TAF2: variants seen among roughly 807,000 people sequenced by gnomAD.
TAF2 encodes the protein transcription initiation factor TFIID subunit 2.
Under a neutral mutation model 138.5 loss-of-function variants are expected in TAF2, and 61 were observed. The ratio of observed to expected loss-of-function variants is 0.44; its 90% CI spans 0.36 to 0.54. The LOEUF is 0.54. TAF2 is among the 20% of genes least tolerant of loss of function. The pLI is 0.00. For synonymous variants in TAF2, 475 were observed against 469.9 expected, an observed-to-expected ratio of 1.01 and a Z score of -0.14; for missense variants, 1,090 against 1,427.9, an observed-to-expected ratio of 0.76 and a Z score of 3.81.
chr8:119,797,656 A>G lies in TAF2; in HGVS notation c.977+6T>C. 1 of 1,612,466 alleles carries G rather than the reference A, an allele frequency of 6.2e-7. No homozygotes were observed. The highest frequency in any genetic ancestry group is 8.5e-7 in the Non-Finnish European group (1 of 1,179,076). ...TTAGGCATTTCAAATCTGAAGAGAT[A>G]CCAACCTAAAAATGCTCATGGAAGC... On this transcript the variant is annotated splice_donor_region_variant and intron_variant, in intron 7 of 25. Transcript: ENST00000378164.
intron 11 of TAF2, among the ~76,000 whole-genome samples, chr8:119,790,244 T>C (rs1823323096): frequency 6.6e-6 from 1 of 152,144 alleles, no homozygotes. Flanking sequence ...GAGATCAGAC[T>C]GGGCAACATA....
At chr8:119,774,708 A>G (rs769327167) in intron 18 of TAF2, among the ~76,000 whole-genome samples, 1 of 152,144 alleles carries the variant, frequency 6.6e-6, no homozygotes, top group Non-Finnish European at 1.5e-5. Context: ...CAGCAGAGAT[A>G]ATAACTTCCC....
chr8:119,760,647 C>CA lies in TAF2; in HGVS notation c.2649dup (p.Val884CysfsTer4). On this transcript the variant is annotated frameshift_variant, in exon 20 of 26. Coordinates refer to ENST00000378164, the MANE Select transcript of TAF2 (RefSeq NM_003184.4). LOFTEE classifies it high-confidence loss of function. ...TCCAAAGCTGCTATCCTAATGTCCACAAAGTGGCCATATTCAGCATAAGAT... is the reference window on the plus strand; with the variant it reads ...TCCAAAGCTGCTATCCTAATGTCCACAAAAGTGGCCATATTCAGCATAAGAT... The CA allele has an allele frequency of 6.2e-7, 1 of 1,613,926 alleles. No individual in the cohort carries two copies. Among genetic ancestry groups the CA allele is most frequent in the Non-Finnish European group, 8.5e-7 (1 of 1,179,972 alleles).
chr8:119,832,600 T>G lies in TAF2; in HGVS notation c.-36A>C. Reference sequence around the variant, plus strand: ...CGCGGAGCTTGGCTTCCCGGCTTCCTAGGGGGATACGGGGCATTACTAGTC... The same window carrying G: ...CGCGGAGCTTGGCTTCCCGGCTTCCGAGGGGGATACGGGGCATTACTAGTC... On this transcript the variant is annotated 5_prime_UTR_variant, in exon 1 of 26. Transcript: ENST00000378164. 6.3e-7 allele frequency: 1 copy of G among 1,596,530 alleles called. No individual in the cohort carries two copies. Among genetic ancestry groups the G allele is most frequent in the Middle Eastern group, 2.0e-4 (1 of 4,920 alleles).
intron 2 of TAF2, among the ~76,000 whole-genome samples, chr8:119,829,892 C>A (rs993335755): frequency 1.4e-5 from 2 of 142,426 alleles, no homozygotes; most frequent in African/African-American, 5.2e-5. Flanking sequence ...CGGAGTCTTG[C>A]TCCGTCGCCC....
At chr8:119,748,805 G>A (rs1820153086) in intron 22 of TAF2, among the ~76,000 whole-genome samples, 1 of 151,984 alleles carries the variant, frequency 6.6e-6, no homozygotes, top group African/African-American at 2.4e-5. Flanking sequence ...GGGAAGGGAA[G>A]AAATGCCAGG....
intron 23 of TAF2, among the ~76,000 whole-genome samples, chr8:119,746,451 T>TA (rs1051984492): frequency 5.4e-5 from 8 of 148,836 alleles, no homozygotes; most frequent in African/African-American, 1.5e-4. Context: ...TGCTCAAGTA[T>TA]AAAAAAAATA....
intron 25 of TAF2, among the ~76,000 whole-genome samples, chr8:119,739,015 T>G (rs1023287192): frequency 7.7e-5 from 9 of 116,900 alleles, no homozygotes; most frequent in African/African-American, 2.2e-4. Flanking sequence ...AAGAAGTTTT[T>G]TTTTTTTTTT....
At chr8:119,781,918 C>T (rs1047451243) in intron 16 of TAF2, among the ~76,000 whole-genome samples, 2 of 152,078 alleles carry the variant, frequency 1.3e-5, no homozygotes, top group Non-Finnish European at 2.9e-5. Flanking sequence ...GAACTATTGA[C>T]CTCAAGTGAT....
chr8:119,787,681 C>T, intron 14 of TAF2, among the ~76,000 whole-genome samples: 1 of 152,164 alleles, frequency 6.6e-6, no homozygotes, highest in Middle Eastern at 3.2e-3. Context: ...GACAGTGTGG[C>T]AATTCCTCAA....
intron 23 of TAF2, chr8:119,745,040 C>A (rs181598919): frequency 6.6e-6 from 3 of 455,792 alleles, no homozygotes; most frequent in South Asian, 3.1e-5. Context: ...CATCTTCCTG[C>A]GGCAATATTC....
At chr8:119,777,990 T>C in intron 18 of TAF2, 29 bp downstream of exon 18, 1 of 1,184,916 alleles carries the variant, frequency 8.4e-7, no homozygotes, top group Non-Finnish European at 1.2e-6. Flanking sequence ...ACAACTGTTG[T>C]AGAAGATTTA....
chr8:119,742,812 T>G (rs1441671102), intron 24 of TAF2, among the ~76,000 whole-genome samples, 156 bp from the exon 25 acceptor site: 2 of 151,790 alleles, frequency 1.3e-5, no homozygotes, highest in Non-Finnish European at 2.9e-5. Flanking sequence ...CTGGGTGGAG[T>G]GGCTCACATC....
chr8:119,804,151 C>A, intron 4 of TAF2, 132 bp from the exon 5 acceptor site: 1 of 1,065,794 alleles, frequency 9.4e-7, no homozygotes, highest in South Asian at 1.4e-5. Context: ...CACTACTTAC[C>A]CTAGTTTAGA....
chr8:119,736,790 A>C (rs774804511), intron 25 of TAF2, among the ~76,000 whole-genome samples: 4 of 152,236 alleles, frequency 2.6e-5, no homozygotes, highest in Non-Finnish European at 5.9e-5. Flanking sequence ...ATGCTTCCAG[A>C]CTAAAGAACA....
chr8:119,797,069 C>CT lies in TAF2; in HGVS notation c.1011_1012insA (p.Glu338ArgfsTer6), dbSNP rs1159636282. The CT allele has an allele frequency of 6.2e-7, 1 of 1,613,164 alleles. No individual in the cohort carries two copies. On this transcript the variant is annotated frameshift_variant, in exon 8 of 26. Coordinates refer to ENST00000378164, the MANE Select transcript of TAF2 (RefSeq NM_003184.4). LOFTEE classifies it high-confidence loss of function. ...AAACACCTTCTAGTCAAAGGTGTCT[C>CT]ATCTATAATCATGGCACTGTGTAAA...
chr8:119,764,623 T>G (rs1586360217), intron 18 of TAF2, among the ~76,000 whole-genome samples: 1 of 152,194 alleles, frequency 6.6e-6, no homozygotes, highest in East Asian at 1.9e-4. Flanking sequence ...TTCTGTGTCT[T>G]ACTTTTGTCA....
chr8:119,786,850 G>A (rs559859751), intron 14 of TAF2, among the ~76,000 whole-genome samples: 8 of 152,244 alleles, frequency 5.3e-5, no homozygotes, highest in African/African-American at 1.7e-4. Context: ...TGAACCGGGA[G>A]GCGGAGGTTG....
At chr8:119,762,695 A>C (rs1197395629) in intron 18 of TAF2, 87 bp from the exon 19 acceptor site, 9 of 1,300,670 alleles carry the variant, frequency 6.9e-6, no homozygotes, top group Non-Finnish European at 9.5e-6. Context: ...ATTACATTTT[A>C]GATAAAATAA....
Sources: allele counts gnomAD v4.1 joint callset (sites outside exome capture counted in the v4.1 genomes callset), GRCh38; gene constraint gnomAD v4.1.1; transcripts MANE v1.5; gene names NCBI Gene and HGNC (gene_info 2026-07-23, HGNC 2026-07-21).